The following RAD51B variants were observed in gnomAD, a reference collection of about 807,000 sequenced individuals.
RAD51B encodes DNA repair protein RAD51 homolog 2.
In RAD51B, 38 loss-of-function variants were observed where a neutral mutation model predicts 42.2. The observed-to-expected ratio is 0.90, with a 90% CI of 0.70 to 1.18. The LOEUF (loss-of-function observed/expected upper bound fraction) is 1.18, where lower values mean the gene tolerates loss of function less well. Ranked by LOEUF, RAD51B falls within the 50% of genes most tolerant of loss-of-function variation. The probability of loss-of-function intolerance (pLI) is 0.00; values close to 1 mark genes in which losing one functional copy is unlikely to be tolerated. For synonymous variants in RAD51B, 154 were observed against 145.2 expected (o/e 1.06, Z -0.43); for missense variants, 373 against 400.7 (o/e 0.93, Z 0.59).
At chr14:67,844,864 C>G (rs2041558429) in intron 4 of RAD51B, among the ~76,000 whole-genome samples, 1 of 152,018 alleles carries the variant, frequency 6.6e-6, no homozygotes, top group Admixed American at 6.6e-5. Flanking sequence ...AGCTGGAAAC[C>G]ATTTTTGTCT....
intron 7 of RAD51B, among the ~76,000 whole-genome samples, chr14:68,196,555 G>A (rs1377765311): frequency 2.0e-5 from 3 of 151,558 alleles, no homozygotes; most frequent in Admixed American, 2.0e-4. Flanking sequence ...TTATTCTATG[G>A]GTCTCTGTGT....
chr14:67,924,526 A>G (rs2044436701), intron 7 of RAD51B, among the ~76,000 whole-genome samples: 2 of 152,246 alleles, frequency 1.3e-5, no homozygotes, highest in East Asian at 1.9e-4. Context: ...CCGCACAATC[A>G]TGGCAGAAGG....
At chr14:68,587,740 T>G (rs1359621727) in intron 10 of RAD51B, among the ~76,000 whole-genome samples, 1 of 152,116 alleles carries the variant, frequency 6.6e-6, no homozygotes, top group African/African-American at 2.4e-5. Flanking sequence ...AAGGCTGATG[T>G]TGGGTTTTTA....
chr14:68,098,853 A>G (rs1224364610), intron 7 of RAD51B, among the ~76,000 whole-genome samples: 2 of 152,246 alleles, frequency 1.3e-5, no homozygotes, highest in African/African-American at 4.8e-5. Context: ...GCCTTTGAGC[A>G]GAGACCTGAA....
chr14:68,652,032 C>G (rs1170137304), intron 11 of RAD51B, among the ~76,000 whole-genome samples: 1 of 152,190 alleles, frequency 6.6e-6, no homozygotes, highest in Non-Finnish European at 1.5e-5. Flanking sequence ...ATCACTCACT[C>G]CTGATGGCCT....
chr14:68,560,360 G>A (rs556195150), intron 10 of RAD51B, among the ~76,000 whole-genome samples: 51 of 152,116 alleles, frequency 3.4e-4, no homozygotes, highest in African/African-American at 1.1e-3. Flanking sequence ...TCTCATATTC[G>A]GCATACAGTG....
At chr14:68,606,609 G>A (rs1165250581) in intron 10 of RAD51B, among the ~76,000 whole-genome samples, 1 of 152,104 alleles carries the variant, frequency 6.6e-6, no homozygotes, top group African/African-American at 2.4e-5. Context: ...ACACACCATT[G>A]GGTTCCCTGG....
At chr14:68,606,829 A>C (rs549049714) in intron 10 of RAD51B, among the ~76,000 whole-genome samples, 1 of 152,290 alleles carries the variant, frequency 6.6e-6, no homozygotes, top group South Asian at 2.1e-4. Flanking sequence ...GGCAACTGCT[A>C]ATTTGCTGTG....
intron 9 of RAD51B, among the ~76,000 whole-genome samples, chr14:68,436,748 G>A (rs2085157887): frequency 6.6e-6 from 1 of 152,078 alleles, no homozygotes. Flanking sequence ...CTAGTTTGAT[G>A]TATTCCTAGG....
chr14:68,605,963 A>G (rs1283215138), intron 10 of RAD51B, among the ~76,000 whole-genome samples: 1 of 152,182 alleles, frequency 6.6e-6, no homozygotes, highest in African/African-American at 2.4e-5. Flanking sequence ...CGCCAGGGAC[A>G]TAGACACTCT....
intron 9 of RAD51B, among the ~76,000 whole-genome samples, chr14:68,450,312 G>A (rs917819070): frequency 3.4e-5 from 5 of 146,948 alleles, no homozygotes; most frequent in East Asian, 2.1e-4. Context: ...TCCACCTCCC[G>A]GGTTCAAACA....
intron 7 of RAD51B, among the ~76,000 whole-genome samples, chr14:67,955,069 A>G (rs7146354): frequency 0.27 from 41,468 of 151,986 alleles, 7,338 homozygotes; most frequent in African/African-American, 0.5. Flanking sequence ...TGAGGAAAAA[A>G]GAGATAGGAG....
intron 7 of RAD51B, among the ~76,000 whole-genome samples, chr14:67,972,718 G>T (rs2074921948): frequency 6.6e-6 from 1 of 152,092 alleles, no homozygotes; most frequent in African/African-American, 2.4e-5. Context: ...TGTCAAACAA[G>T]ATTTTCTGAA....
intron 8 of RAD51B, among the ~76,000 whole-genome samples, chr14:68,294,034 C>T (rs1312086917): frequency 2.6e-5 from 4 of 152,202 alleles, no homozygotes; most frequent in South Asian, 4.1e-4. Flanking sequence ...CACACATATA[C>T]ACACACACTT....
chr14:68,060,395 T>A (rs17783388), intron 7 of RAD51B, among the ~76,000 whole-genome samples: 8,180 of 152,284 alleles, frequency 0.054, 323 homozygotes, highest in Non-Finnish European at 0.081. Context: ...AGCCTCTCTC[T>A]TGCTTCCCAG....
At chr14:68,647,811 C>T (rs866918298) in intron 10 of RAD51B, among the ~76,000 whole-genome samples, 10 of 151,646 alleles carry the variant, frequency 6.6e-5, no homozygotes, top group African/African-American at 1.2e-4. Flanking sequence ...CCCGAGTAGC[C>T]GGAATTACAG....
At chr14:68,072,997 T>C (rs1217829531) in intron 7 of RAD51B, among the ~76,000 whole-genome samples, 2 of 152,192 alleles carry the variant, frequency 1.3e-5, no homozygotes, top group Non-Finnish European at 2.9e-5. Context: ...ATCAGAAGGA[T>C]GTATATGCTG....
intron 8 of RAD51B, among the ~76,000 whole-genome samples, chr14:68,337,886 C>T (rs2082489271): frequency 6.6e-6 from 1 of 152,148 alleles, no homozygotes; most frequent in South Asian, 2.1e-4. Context: ...ATCCTCCCAC[C>T]TCAGCCTCCT....
intron 10 of RAD51B, among the ~76,000 whole-genome samples, chr14:68,518,841 G>T (rs910213601): frequency 6.6e-6 from 1 of 152,056 alleles, no homozygotes; most frequent in African/African-American, 2.4e-5. Context: ...CAAGGTCTCC[G>T]AGAGCCAGTA....
Sources: allele counts gnomAD v4.1 joint callset (sites outside exome capture counted in the v4.1 genomes callset), GRCh38; gene constraint gnomAD v4.1.1; transcripts MANE v1.5; gene names NCBI Gene and HGNC (gene_info 2026-07-23, HGNC 2026-07-21).